PHF3: variants seen among roughly 807,000 people sequenced by gnomAD.
PHF3 encodes PHD finger protein 3.
In PHF3, 41 loss-of-function variants were observed where a neutral mutation model predicts 178.4. That is an observed-to-expected ratio of 0.23 (90% CI 0.18 to 0.30). The LOEUF is 0.30. Among genes scored for constraint, PHF3 ranks in the 10% least tolerant of loss-of-function variants. The pLI is 1.00. For missense variants in PHF3, 2,346 were observed against 2,398.1 expected (o/e 0.98, Z 0.45); for synonymous variants, 842 against 800.5 (o/e 1.05, Z -0.88).
intron 2 of PHF3, among the ~76,000 whole-genome samples, chr6:63,671,137 C>T (rs1487403838): frequency 6.6e-6 from 1 of 151,324 alleles, no homozygotes; most frequent in Non-Finnish European, 1.5e-5. Flanking sequence ...TCCTGTTTTA[C>T]AGTAACGTGA....
chr6:63,703,819 G>T, intron 11 of PHF3, 148 bp downstream of exon 11: 2 of 685,918 alleles, frequency 2.9e-6, no homozygotes, highest in South Asian at 4.1e-5. Flanking sequence ...CGTGTGACTG[G>T]TTTTCTGGGT....
intron 2 of PHF3, among the ~76,000 whole-genome samples, chr6:63,657,752 C>T (rs999127296): frequency 1.3e-5 from 2 of 152,124 alleles, no homozygotes; most frequent in African/African-American, 4.8e-5. Context: ...ATAAATCTCT[C>T]TTTATATATA....
At chr6:63,641,428 C>T (rs1764567776) in intron 1 of PHF3, among the ~76,000 whole-genome samples, 1 of 152,118 alleles carries the variant, frequency 6.6e-6, no homozygotes, top group Admixed American at 6.5e-5. Context: ...CCTACACACA[C>T]ACCCACAGAC....
rs897024405 is a variant in PHF3, at chr6:63,715,417, T to C, written c.*1709T>C. 1 of 152,190 alleles carries C rather than the reference T, an allele frequency of 6.6e-6. No homozygotes were observed. The highest frequency in any genetic ancestry group is 6.6e-5 in the Admixed American group (1 of 15,250). 9.4% of individuals were successfully genotyped at this position (152,190 alleles called of 1,614,324 possible). ...TACAAAGAAATTGCTGTCAGGGTTT[T>C]ACACATTTTAAAAACATTTCAATTT... On this transcript the variant is annotated 3_prime_UTR_variant, in exon 16 of 16. Transcript: ENST00000262043.
Position 63,714,154 on chromosome 6 carries a change from C to G in PHF3, c.*446C>G, listed in dbSNP as rs1263610490. 1 of 153,500 alleles carries G rather than the reference C, an allele frequency of 6.5e-6. No individual in the cohort carries two copies. Among genetic ancestry groups the G allele is most frequent in the African/African-American group, 2.4e-5 (1 of 41,416 alleles). 9.5% of individuals were successfully genotyped at this position (153,500 alleles called of 1,614,324 possible). On this transcript the variant is annotated 3_prime_UTR_variant, in exon 16 of 16. Coordinates refer to ENST00000262043, the MANE Select transcript of PHF3 (RefSeq NM_001370348.2). Reference sequence around the variant, plus strand: ...TTTTAAAGAAACTGTAGAGGAGCAACAAAAATCCAAGCAACTTCATAATCA... The same window carrying G: ...TTTTAAAGAAACTGTAGAGGAGCAAGAAAAATCCAAGCAACTTCATAATCA...
intron 2 of PHF3, among the ~76,000 whole-genome samples, chr6:63,679,196 A>G (rs371428128): frequency 3.3e-5 from 5 of 152,006 alleles, no homozygotes; most frequent in African/African-American, 9.6e-5. Context: ...ACAACTGCAC[A>G]TTTAGAATTA....
chr6:63,693,582 G>A (rs1455693059), intron 5 of PHF3, among the ~76,000 whole-genome samples: 1 of 152,162 alleles, frequency 6.6e-6, no homozygotes, highest in South Asian at 2.1e-4. Context: ...CTTTATTCCA[G>A]CTTGGGCAAA....
At chr6:63,711,473 C>A in intron 15 of PHF3, 111 bp downstream of exon 15, 1 of 1,338,278 alleles carries the variant, frequency 7.5e-7, no homozygotes, top group Non-Finnish European at 1.0e-6. Flanking sequence ...CTAGAGATGG[C>A]TTGACAGGGC....
rs1287604604 is a variant in PHF3, at chr6:63,646,748, C to T, written c.197C>T (p.Pro66Leu). The stretch of plus-strand genomic sequence containing the variant: ...TCTGCAAGTAACCAGTTCTGTTTGC[C>T]TGTTTTGGATAGCAATGATCCCAAT... ...LGSASNQFCLPVLDSNDPNFQ... is the reference protein window; with the variant it reads ...LGSASNQFCLLVLDSNDPNFQ... Residue 66 changes from proline (P) to leucine (L), a missense_variant, in exon 2 of 16, where the codon CCT becomes CTT. Physicochemically the swap from Pro to Leu is moderately conservative, Grantham distance 98 (BLOSUM62 -3). Around this residue, in one of 8 missense-constraint regions of PHF3, gnomAD observed 843 missense variants for 795.2 expected, o/e 1.06. Coordinates refer to ENST00000262043, the MANE Select transcript of PHF3 (RefSeq NM_001370348.2). 6.2e-7 allele frequency: 1 copy of T among 1,605,304 alleles called. No homozygotes were observed. Among genetic ancestry groups the T allele is most frequent in the Non-Finnish European group, 8.5e-7 (1 of 1,176,648 alleles).
Position 63,721,411 on chromosome 6 carries a change from A to G in PHF3, c.*7703A>G, listed in dbSNP as rs1768383457. On this transcript the variant is annotated 3_prime_UTR_variant, in exon 16 of 16. Transcript: ENST00000262043. ...TTGTACCCACAGGCTGTCCCATCAC[A>G]GTCACCTACATTTGAGCCACCTTTT... is the stretch of plus-strand genomic sequence containing the variant. The G allele has an allele frequency of 1.3e-6, 2 of 1,551,734 alleles. No individual in the cohort carries two copies. The highest frequency in any genetic ancestry group is 1.7e-6 in the Non-Finnish European group (2 of 1,146,940).
At chr6:63,690,403 G>GA (rs1246716674) in intron 4 of PHF3, among the ~76,000 whole-genome samples, 2 of 152,142 alleles carry the variant, frequency 1.3e-5, no homozygotes, top group Non-Finnish European at 2.9e-5. Flanking sequence ...TGAGGAAGAA[G>GA]AAAAGGAAGT....
intron 2 of PHF3, among the ~76,000 whole-genome samples, chr6:63,650,229 T>TG (rs1372668294): frequency 3.9e-5 from 6 of 152,356 alleles, no homozygotes; most frequent in Non-Finnish European, 7.4e-5. Flanking sequence ...GGTTACTACT[T>TG]GCAGCTACTG....
Position 63,713,635 on chromosome 6 carries a change from G to C in PHF3, c.6047G>C (p.Arg2016Thr), listed in dbSNP as rs1476451984. ...KDKEREKSKHREGEKDRDRYH... is the reference protein window; with the variant it reads ...KDKEREKSKHTEGEKDRDRYH... Reference sequence around the variant, plus strand: ...AAAGAACGAGAGAAAAGTAAACACAGAGAAGGAGAAAAGGACAGGGATAGG... The same window carrying C: ...AAAGAACGAGAGAAAAGTAAACACACAGAAGGAGAAAAGGACAGGGATAGG... The change falls in exon 16 of 16, where the codon AGA (arginine) becomes ACA (threonine). Residue 2016 changes from arginine (R) to threonine (T), a missense_variant. By Grantham distance (71) the Arg-to-Thr change is moderately conservative. Around this residue, in one of 8 missense-constraint regions of PHF3, gnomAD observed 839 missense variants for 806.9 expected, o/e 1.04. Coordinates refer to ENST00000262043, the MANE Select transcript of PHF3 (RefSeq NM_001370348.2). 1.2e-6 allele frequency: 2 copies of C among 1,612,252 alleles called. No individual in the cohort carries two copies. The highest frequency in any genetic ancestry group is 8.5e-7 in the Non-Finnish European group (1 of 1,179,506).
At chr6:63,693,632 A>G (rs915689279) in intron 5 of PHF3, among the ~76,000 whole-genome samples, 1 of 152,216 alleles carries the variant, frequency 6.6e-6, no homozygotes. Flanking sequence ...AAAAGACATC[A>G]TAAAACGTTA....
At chr6:63,645,151 T>TA (rs1764731996) in intron 1 of PHF3, among the ~76,000 whole-genome samples, 1 of 152,110 alleles carries the variant, frequency 6.6e-6, no homozygotes, top group Non-Finnish European at 1.5e-5. Flanking sequence ...GTGCTAGGAA[T>TA]ACAGGCATGA....
chr6:63,701,232 A>G (rs1767461255), intron 9 of PHF3, among the ~76,000 whole-genome samples: 1 of 152,212 alleles, frequency 6.6e-6, no homozygotes, highest in African/African-American at 2.4e-5. Context: ...ATAAAGCTTA[A>G]CCTGAATTGC....
chr6:63,636,785 C>T (rs1248231611), intron 1 of PHF3: 1 of 151,936 alleles, frequency 6.6e-6, no homozygotes, highest in Admixed American at 6.6e-5. Flanking sequence ...TCTTGCCTTC[C>T]GATAATACAT....
intron 1 of PHF3, among the ~76,000 whole-genome samples, chr6:63,638,384 A>C (rs1033152533): frequency 2.6e-5 from 4 of 152,126 alleles, no homozygotes; most frequent in Non-Finnish European, 4.4e-5. Context: ...CAGTTACTGA[A>C]ATAGATGATG....
intron 1 of PHF3, among the ~76,000 whole-genome samples, chr6:63,645,565 T>C (rs1764749229): frequency 1.3e-5 from 2 of 152,170 alleles, no homozygotes; most frequent in Non-Finnish European, 2.9e-5. Flanking sequence ...ATCTTGGAAT[T>C]AAGGAGCCCA....
Sources: allele counts gnomAD v4.1 joint callset (sites outside exome capture counted in the v4.1 genomes callset), GRCh38; gene constraint gnomAD v4.1.1; regional missense constraint gnomAD v4.1.1; transcripts MANE v1.5; gene names NCBI Gene and HGNC (gene_info 2026-07-23, HGNC 2026-07-21).